SAFB: variants seen among roughly 807,000 people sequenced by gnomAD.
SAFB encodes scaffold attachment factor B1.
SAFB carries 15 observed loss-of-function variants against 101.6 expected under a neutral mutation model. That is an observed-to-expected ratio of 0.15 (90% confidence interval 0.10 to 0.23). The LOEUF (loss-of-function observed/expected upper bound fraction) is 0.23. Ranked by LOEUF, SAFB falls within the 10% of genes least tolerant of loss-of-function variation. The probability of loss-of-function intolerance (pLI) is 1.00; values close to 1 mark genes in which losing one functional copy is unlikely to be tolerated. For synonymous variants in SAFB, 449 were observed against 407.5 expected (o/e 1.10, Z -1.23); for missense variants, 930 against 1,104.1 (o/e 0.84, Z 2.23).
chr19:5,637,563 GGAGGATCCCTT>G (rs557457958), intron 2 of SAFB, among the ~76,000 whole-genome samples: 335 of 152,042 alleles, frequency 2.2e-3, no homozygotes, highest in Admixed American at 4.3e-3. Flanking sequence ...GACTGAGGTG[GGAGGATCCCTT>G]GAGGATCCCT....
intron 1 of SAFB, 141 bp from the exon 2 acceptor site, chr19:5,626,260 AGTGG>A: frequency 1.8e-6 from 1 of 564,976 alleles, no homozygotes; most frequent in South Asian, 2.3e-5. Context: ...ATAACAGATG[AGTGG>A]ATGGGCCACA....
chr19:5,643,138 ATGT>A (rs1334371098), intron 4 of SAFB, among the ~76,000 whole-genome samples: 1 of 152,190 alleles, frequency 6.6e-6, no homozygotes, highest in African/African-American at 2.4e-5. Flanking sequence ...CTTATGTACG[ATGT>A]TGTCTTGGTG....
In SAFB at chr19:5,645,409, T is replaced by C. The variant is rs1327739744; in HGVS notation, c.609+10T>C. 4 of 1,274,092 alleles carry C rather than the reference T, an allele frequency of 3.1e-6. No homozygotes were observed. Among genetic ancestry groups the C allele is most frequent in the African/African-American group, 1.5e-5 (1 of 68,310 alleles). The allele number at this position is 1,274,092 out of a possible 1,614,324, so 78.9% of individuals were successfully genotyped here. A position where few individuals can be genotyped will look rare whatever the true frequency, so the allele number is the denominator to read the frequency against. ...CTTCACTATATTACAGGTAAACTGT[T>C]GTATGTCTCAGTACTTTTAGAATGA... On this transcript the variant is annotated intron_variant, in intron 5 of 20. Coordinates refer to ENST00000588852, the MANE Select transcript of SAFB (RefSeq NM_001201338.2).
chr19:5,624,191 C>T (rs906289587), intron 1 of SAFB: 3 of 151,602 alleles, frequency 2.0e-5, no homozygotes, highest in Non-Finnish European at 4.4e-5. Flanking sequence ...GCATAGGAGA[C>T]CTTGAACCCC....
At chr19:5,663,811 C>T (rs953757516) in intron 15 of SAFB, among the ~76,000 whole-genome samples, 44 of 152,272 alleles carry the variant, frequency 2.9e-4, no homozygotes, top group African/African-American at 1.0e-3. Context: ...AAAACCGAGG[C>T]CGCTTTTCAT....
chr19:5,668,135 G>A, intron 20 of SAFB, 27 bp from the exon 21 acceptor site: 3 of 1,602,692 alleles, frequency 1.9e-6, no homozygotes, highest in Non-Finnish European at 2.6e-6. Context: ...GGACTTCGCA[G>A]TCAAACCAAT....
At chr19:5,658,880 C>T (rs1450525433) in intron 14 of SAFB, among the ~76,000 whole-genome samples, 1 of 149,596 alleles carries the variant, frequency 6.7e-6, no homozygotes, top group East Asian at 2.0e-4. Context: ...GGCGCGGTGG[C>T]TCACGCCTGT....
rs2054363503 is a variant in SAFB, at chr19:5,667,643, TTC to T, written c.2558-171_2558-170del. On this transcript the variant is annotated intron_variant, in intron 19 of 20. Coordinates refer to ENST00000588852, the MANE Select transcript of SAFB (RefSeq NM_001201338.2). The surrounding 1 kb of genome is among the most constrained non-coding windows in gnomAD (Gnocchi z 4.0). ...GAGTTGGACAGTGGGCGTTCCCGAG[TTC>T]TCTCTGCTGGGAGGAAGCTGGACGT... The T allele has an allele frequency of 1.7e-5, 12 of 711,192 alleles. No homozygotes were observed. The highest frequency in any genetic ancestry group is 1.3e-4 in the South Asian group (7 of 55,306). 44.1% of individuals were successfully genotyped at this position (711,192 alleles called of 1,614,324 possible).
At chr19:5,647,001 C>G (rs563217836) in intron 5 of SAFB, among the ~76,000 whole-genome samples, 1 of 152,318 alleles carries the variant, frequency 6.6e-6, no homozygotes, top group African/African-American at 2.4e-5. Context: ...TAGGACCAAC[C>G]TCCTGCAACC....
At chr19:5,656,253 T>A (rs1397368850) in intron 13 of SAFB, among the ~76,000 whole-genome samples, 1 of 152,218 alleles carries the variant, frequency 6.6e-6, no homozygotes, top group East Asian at 1.9e-4. Flanking sequence ...TTCATTTTTT[T>A]ATTTTATTAT....
In SAFB at chr19:5,650,859, T is replaced by C. The variant is rs1011971889; in HGVS notation, c.1199-119T>C. 13 of 666,696 alleles carry C rather than the reference T, an allele frequency of 1.9e-5. No homozygotes were observed. The African/African-American group carries it at 2.2e-4, about 11-fold the overall frequency. 41.3% of individuals were successfully genotyped at this position (666,696 alleles called of 1,614,324 possible). ...GGTCAGGCCCACAGCCCCATTTGGC[T>C]TTTAGTGCTGCCACTGCCTCAGGAA... On this transcript the variant is annotated intron_variant, in intron 8 of 20. Transcript: ENST00000588852.
chr19:5,626,258 TGAGTGGA>T, intron 1 of SAFB, 140 bp from the exon 2 acceptor site: 1 of 550,878 alleles, frequency 1.8e-6, no homozygotes. Flanking sequence ...AGATAACAGA[TGAGTGGA>T]TGGGCCACAG....
In SAFB at chr19:5,667,175, C is replaced by A; in HGVS notation, c.2453+11C>A. On this transcript the variant is annotated intron_variant, in intron 18 of 20. Coordinates refer to ENST00000588852, the MANE Select transcript of SAFB (RefSeq NM_001201338.2). This position sits in a 1 kb window ranked among gnomAD's most constrained non-coding sequence, Gnocchi z 4.0. ...GCCTCCTCCCCCCAGGTTTGTGTCC[C>A]ACACCCGACAGTACCTGACCCCCCC... 1 of 1,499,206 alleles carries A rather than the reference C, an allele frequency of 6.7e-7. No homozygotes were observed. The highest frequency in any genetic ancestry group is 9.2e-7 in the Non-Finnish European group (1 of 1,084,606). The allele number at this position is 1,499,206 out of a possible 1,614,324, so 92.9% of individuals were successfully genotyped here.
At chr19:5,662,225 C>T (rs999097505) in intron 15 of SAFB, among the ~76,000 whole-genome samples, 3 of 152,032 alleles carry the variant, frequency 2.0e-5, no homozygotes, top group Non-Finnish European at 2.9e-5. Flanking sequence ...AGGCCGGGTG[C>T]GCTAGTTCAC....
chr19:5,644,003 G>C (rs1034406480), intron 4 of SAFB, among the ~76,000 whole-genome samples: 1 of 152,158 alleles, frequency 6.6e-6, no homozygotes, highest in African/African-American at 2.4e-5. Flanking sequence ...TACACTTAAA[G>C]CAGAAGTCAT....
Position 5,667,272 on chromosome 19 carries a change from C to G in SAFB, c.2454-75C>G. 3.1e-6 allele frequency: 4 copies of G among 1,305,008 alleles called. No individual in the cohort carries two copies. The highest frequency in any genetic ancestry group is 2.1e-6 in the Non-Finnish European group (2 of 961,346). 80.8% of individuals were successfully genotyped at this position (1,305,008 alleles called of 1,614,324 possible). A position where few individuals can be genotyped will look rare whatever the true frequency, so the allele number is the denominator to read the frequency against. On this transcript the variant is annotated intron_variant, in intron 18 of 20. Coordinates refer to ENST00000588852, the MANE Select transcript of SAFB (RefSeq NM_001201338.2). The surrounding 1 kb of genome is among the most constrained non-coding windows in gnomAD (Gnocchi z 4.0). ...TGGGAAACACAGAGGGATTCACTCTCCAGAAGCCGCCACAGTTATTAGCAC... is the reference window on the plus strand; with the variant it reads ...TGGGAAACACAGAGGGATTCACTCTGCAGAAGCCGCCACAGTTATTAGCAC...
intron 7 of SAFB, 24 bp from the exon 8 acceptor site, chr19:5,649,902 A>G: frequency 4.4e-6 from 7 of 1,608,942 alleles, no homozygotes; most frequent in Non-Finnish European, 6.0e-6. Context: ...TTCCTTGTGG[A>G]GTGACATTGT....
At chr19:5,646,684 C>G (rs1599351566) in intron 5 of SAFB, among the ~76,000 whole-genome samples, 1 of 152,198 alleles carries the variant, frequency 6.6e-6, no homozygotes, top group Non-Finnish European at 1.5e-5. Flanking sequence ...CATAGAGCAT[C>G]CTGGAATGGC....
chr19:5,643,311 C>T (rs1448113755), intron 4 of SAFB, among the ~76,000 whole-genome samples: 1 of 152,176 alleles, frequency 6.6e-6, no homozygotes, highest in Non-Finnish European at 1.5e-5. Flanking sequence ...GCTTCTCAAG[C>T]AGTCTTGGTG....
Sources: gnomAD v4.1 joint callset for allele counts (sites outside exome capture counted in the v4.1 genomes callset) on GRCh38, gnomAD v4.1.1 for gene constraint, Gnocchi (gnomAD v3.1) non-coding constraint, MANE v1.5 for transcripts, NCBI Gene and HGNC (gene_info 2026-07-23, HGNC 2026-07-21) for gene names.